The following MEGF8 variants were observed in gnomAD, a reference collection of about 807,000 sequenced individuals.
MEGF8 encodes multiple epidermal growth factor-like domains protein 8.
Under a neutral mutation model 302.9 loss-of-function variants are expected in MEGF8, and 156 were observed. That is an observed-to-expected ratio of 0.52 (90% CI 0.45 to 0.59). The LOEUF is 0.59. Among genes scored for constraint, MEGF8 ranks in the 20% least tolerant of loss-of-function variants. The pLI is 0.00. For synonymous variants in MEGF8, 1,621 were observed against 1,660.5 expected, an observed-to-expected ratio of 0.98 and a Z score of 0.58; for missense variants, 3,345 against 3,964.5, an observed-to-expected ratio of 0.84 and a Z score of 4.20.
rs1474436698 is a variant in MEGF8 at position 42,353,896 on chromosome 19, G to A, written c.3883G>A (p.Ala1295Thr). The A allele has an allele frequency of 6.3e-7, 1 of 1,593,160 alleles. No homozygotes were observed. The highest frequency in any genetic ancestry group is 1.8e-5 in the Admixed American group (1 of 56,572). The change falls in exon 22 of 42, where the codon GCC (alanine) becomes ACC (threonine). Residue 1295 changes from alanine (A) to threonine (T), a missense_variant. Ala to Thr is a moderately conservative substitution (Grantham distance 58). Transcript: ENST00000251268. The surrounding 1 kb of genome is among the most constrained non-coding windows in gnomAD (Gnocchi z 6.1). ...GCCTCCAGGTGGCGGGGCTGCAAGAGCCGGGCCTGGCCTGTCCTACTGTGT... is the reference window on the plus strand; with the variant it reads ...GCCTCCAGGTGGCGGGGCTGCAAGAACCGGGCCTGGCCTGTCCTACTGTGT... ...LLPPGGGAAR[A>T]GPGLSYCVWV... is the part of the protein sequence containing the mutation.
intron 39 of MEGF8, 52 bp downstream of exon 39, chr19:42,370,411 C>A: frequency 6.8e-7 from 1 of 1,467,320 alleles, no homozygotes; most frequent in Non-Finnish European, 9.2e-7. Flanking sequence ...GGCTGGGGAG[C>A]TCCTGGGTCT....
At chr19:42,347,500 T>C (rs1044551968) in intron 12 of MEGF8, among the ~76,000 whole-genome samples, 1 of 151,774 alleles carries the variant, frequency 6.6e-6, no homozygotes, top group Non-Finnish European at 1.5e-5. Flanking sequence ...GTATTTTTTT[T>C]GTTTGTTTTG....
intron 35 of MEGF8, among the ~76,000 whole-genome samples, chr19:42,367,288 TTC>T (rs2039619548): frequency 6.6e-6 from 1 of 151,360 alleles, no homozygotes; most frequent in African/African-American, 2.4e-5. Context: ...TTTTCTTTCT[TTC>T]TTTTTTTTTT....
At chr19:42,349,877 T>C (rs965788288) in intron 14 of MEGF8, among the ~76,000 whole-genome samples, 178 bp downstream of exon 14, 5 of 152,022 alleles carry the variant, frequency 3.3e-5, no homozygotes, top group Admixed American at 6.6e-5. Context: ...GACCTCTGCC[T>C]ATAGACCCTA....
intron 8 of MEGF8, among the ~76,000 whole-genome samples, chr19:42,341,221 G>C (rs1377477591): frequency 6.6e-6 from 1 of 152,102 alleles, no homozygotes; most frequent in East Asian, 1.9e-4. Context: ...CGTGAGGTCA[G>C]GAGTTCGAGA....
At chr19:42,364,927 T>C (rs1600068806) in intron 35 of MEGF8, among the ~76,000 whole-genome samples, 1 of 152,328 alleles carries the variant, frequency 6.6e-6, no homozygotes, top group Admixed American at 6.5e-5. Context: ...CTAATGATCA[T>C]GATCATTGTT....
rs1441237223 is a variant in MEGF8, at chr19:42,326,097, G to T, written c.-147G>T. The T allele has an allele frequency of 7.7e-7, 1 of 1,303,302 alleles. No homozygotes were observed. Among genetic ancestry groups the T allele is most frequent in the African/African-American group, 1.6e-5 (1 of 63,936 alleles). 80.7% of individuals were successfully genotyped at this position (1,303,302 alleles called of 1,614,324 possible). ...CAGCAGTGGCCGTACCCTTCGCCGG[G>T]ACTGCCGGGTCTCCGGGACCTCTTC... On this transcript the variant is annotated 5_prime_UTR_variant, in exon 1 of 42. Transcript: ENST00000251268.
intron 35 of MEGF8, among the ~76,000 whole-genome samples, chr19:42,364,159 A>G (rs1482714725): frequency 6.6e-6 from 1 of 152,150 alleles, no homozygotes; most frequent in Admixed American, 6.6e-5. Flanking sequence ...CTAGGCAGGC[A>G]TGTGTGTACC....
chr19:42,368,304 C>G lies in MEGF8; in HGVS notation c.6274-151C>G. 1.5e-6 allele frequency: 1 copy of G among 653,548 alleles called. No individual in the cohort carries two copies. Among genetic ancestry groups the G allele is most frequent in the Non-Finnish European group, 2.6e-6 (1 of 381,234 alleles). 40.5% of individuals were successfully genotyped at this position (653,548 alleles called of 1,614,324 possible). A position where few individuals can be genotyped will look rare whatever the true frequency, so the allele number is the denominator to read the frequency against. ...GCTTGAGAGGGAAAACATGATGACC[C>G]CAGCTAGTGTCCACTTTGCTCTACC... On this transcript the variant is annotated intron_variant, in intron 35 of 41. Coordinates refer to ENST00000251268, the MANE Select transcript of MEGF8 (RefSeq NM_001271938.2). The surrounding 1 kb of genome is among the most constrained non-coding windows in gnomAD (Gnocchi z 4.9).
chr19:42,336,368 C>A lies in MEGF8; in HGVS notation c.1244+22C>A, dbSNP rs1307343226. On this transcript the variant is annotated intron_variant, in intron 6 of 41. Coordinates refer to ENST00000251268, the MANE Select transcript of MEGF8 (RefSeq NM_001271938.2). The surrounding 1 kb of genome is among the most constrained non-coding windows in gnomAD (Gnocchi z 4.8). ...CCCGGTAAGTGACCTGTCCCATAAC[C>A]CATGCTCCACAGGCCAGGCCCAGCT... The A allele has an allele frequency of 6.4e-7, 1 of 1,564,602 alleles. No homozygotes were observed. The highest frequency in any genetic ancestry group is 1.3e-5 in the African/African-American group (1 of 74,458).
At position 42,358,392 on chromosome 19, in the gene MEGF8, C is replaced by T. The variant is rs1317134870; in HGVS notation, c.5175+85C>T. ...CCAGTGCCCCAGGGACTGGCTCCAT[C>T]CCAGATTCCTGCTTCCCCTCCTTTC... On this transcript the variant is annotated intron_variant, in intron 29 of 41. Coordinates refer to ENST00000251268, the MANE Select transcript of MEGF8 (RefSeq NM_001271938.2). The surrounding 1 kb of genome is among the most constrained non-coding windows in gnomAD (Gnocchi z 4.4). 3.5e-6 allele frequency: 5 copies of T among 1,448,064 alleles called. No individual in the cohort carries two copies. In the East Asian group the frequency reaches 7.9e-5, roughly 23 times the overall value. The allele number at this position is 1,448,064 out of a possible 1,614,324, so 89.7% of individuals were successfully genotyped here. A position where few individuals can be genotyped will look rare whatever the true frequency, so the allele number is the denominator to read the frequency against.
At chr19:42,359,954 C>A (rs1033429912) in intron 31 of MEGF8, among the ~76,000 whole-genome samples, 3 of 151,464 alleles carry the variant, frequency 2.0e-5, no homozygotes, top group African/African-American at 7.3e-5. Context: ...CTCAGCCTCC[C>A]AAAGTGCTGG....
In MEGF8 at chr19:42,352,866, G is replaced by A; in HGVS notation, c.3351-62G>A. The A allele has an allele frequency of 8.1e-7, 1 of 1,229,422 alleles. No homozygotes were observed. Among genetic ancestry groups the A allele is most frequent in the Non-Finnish European group, 1.2e-6 (1 of 862,578 alleles). The allele number at this position is 1,229,422 out of a possible 1,614,324, so 76.2% of individuals were successfully genotyped here. A position where few individuals can be genotyped will look rare whatever the true frequency, so the allele number is the denominator to read the frequency against. On this transcript the variant is annotated intron_variant, in intron 19 of 41. Coordinates refer to ENST00000251268, the MANE Select transcript of MEGF8 (RefSeq NM_001271938.2). This position sits in a 1 kb window ranked among gnomAD's most constrained non-coding sequence, Gnocchi z 4.4. Reference sequence around the variant, plus strand: ...TGGTGTCATGGTGGGTGGAGATGATGGGGTGCTTTAGGGGCTCTGGGCCTG... The same window carrying A: ...TGGTGTCATGGTGGGTGGAGATGATAGGGTGCTTTAGGGGCTCTGGGCCTG...
intron 1 of MEGF8, among the ~76,000 whole-genome samples, chr19:42,330,787 C>T (rs2039045094): frequency 6.6e-6 from 1 of 152,090 alleles, no homozygotes; most frequent in Non-Finnish European, 1.5e-5. Context: ...GATGTGAGAA[C>T]CCTGGAGAGG....
At position 42,358,439 on chromosome 19, in the gene MEGF8, AC is replaced by A. The variant is rs1366372632; in HGVS notation, c.5175+137del. 2 of 1,161,636 alleles carry A rather than the reference AC, an allele frequency of 1.7e-6. No individual in the cohort carries two copies. Among genetic ancestry groups the A allele is most frequent in the Non-Finnish European group, 2.3e-6 (2 of 852,876 alleles). 72.0% of individuals were successfully genotyped at this position (1,161,636 alleles called of 1,614,324 possible). On this transcript the variant is annotated intron_variant, in intron 29 of 41. Coordinates refer to ENST00000251268, the MANE Select transcript of MEGF8 (RefSeq NM_001271938.2). This position sits in a 1 kb window ranked among gnomAD's most constrained non-coding sequence, Gnocchi z 4.4. ...TTTCTATGTTCCCTAACTAAGCGAC[AC>A]CCCCACATCTCCCCCGCTTCCATCC...
At chr19:42,329,251 C>T (rs2039024493) in intron 1 of MEGF8, among the ~76,000 whole-genome samples, 1 of 152,138 alleles carries the variant, frequency 6.6e-6, no homozygotes. Context: ...GGTTGATGGG[C>T]AGCCACAGGA....
rs778832627 is a variant in MEGF8 at position 42,351,761 on chromosome 19, G to A, written c.3101G>A (p.Arg1034Gln). The change falls in exon 18 of 42, where the codon CGG becomes CAG. Residue 1034 changes from arginine to glutamine, a missense_variant and splice_region_variant. Transcript: ENST00000251268. This position sits in a 1 kb window ranked among gnomAD's most constrained non-coding sequence, Gnocchi z 5.6. ...AATGAGGACAACCCCACACTGGGAC[G>A]GTGAGCCCGGGCAGGTGGGTGGGCA... ...CGNEDNPTLG[R>Q]CLQGDFSGPL... 1.1e-5 allele frequency: 17 copies of A among 1,568,354 alleles called. No individual in the cohort carries two copies. The Admixed American group carries it at 1.7e-4, about 16-fold the overall frequency.
Position 42,375,575 on chromosome 19 carries a change from G to T in MEGF8, c.7338G>T (p.Ser2446=). The part of the protein sequence containing the change: ...LGGQQCYRLI[S]VEQECCLDPT... ...GCCAGCAGTGCTACCGCCTCATCTC[G>T]GTGGAGCAGGAGTGCTGCCTGGACC... Residue 2446 remains serine, a synonymous_variant, in exon 42 of 42, where the codon TCG becomes TCT. Coordinates refer to ENST00000251268, the MANE Select transcript of MEGF8 (RefSeq NM_001271938.2). The surrounding 1 kb of genome is among the most constrained non-coding windows in gnomAD (Gnocchi z 7.1). The T allele has an allele frequency of 1.3e-6, 2 of 1,597,082 alleles. No homozygotes were observed.
chr19:42,345,454 CCCCCCGGT>C (rs1319106030), intron 12 of MEGF8, among the ~76,000 whole-genome samples: 1 of 152,226 alleles, frequency 6.6e-6, no homozygotes, highest in Non-Finnish European at 1.5e-5. Context: ...TTCCACTCTT[CCCCCCGGT>C]CCCTGGCAGC....
Sources: gnomAD v4.1 joint callset for allele counts (sites outside exome capture counted in the v4.1 genomes callset) on GRCh38, gnomAD v4.1.1 for gene constraint, Gnocchi (gnomAD v3.1) non-coding constraint, MANE v1.5 for transcripts, NCBI Gene and HGNC (gene_info 2026-07-23, HGNC 2026-07-21) for gene names.